GRM5: variants seen among roughly 807,000 people sequenced by gnomAD.
The protein encoded by GRM5 is metabotropic glutamate receptor 5.
Under a neutral mutation model 83.1 loss-of-function variants are expected in GRM5, and 19 were observed. The ratio of observed to expected loss-of-function variants is 0.23; its 90% CI spans 0.16 to 0.34. The LOEUF (loss-of-function observed/expected upper bound fraction) is 0.34. Ranked by LOEUF, GRM5 falls within the 10% of genes least tolerant of loss-of-function variation. The pLI is 1.00. For synonymous variants in GRM5, 675 were observed against 633.6 expected (o/e 1.07, Z -0.98); for missense variants, 1,160 against 1,588.3 (o/e 0.73, Z 4.58).
intron 3 of GRM5, among the ~76,000 whole-genome samples, chr11:88,661,593 T>C (rs1234404188): frequency 6.6e-6 from 1 of 152,174 alleles, no homozygotes; most frequent in African/African-American, 2.4e-5. Context: ...TAAAAAATTC[T>C]AATAGTGGGA....
chr11:88,586,635 T>C (rs1003410933), intron 7 of GRM5, among the ~76,000 whole-genome samples: 1 of 152,210 alleles, frequency 6.6e-6, no homozygotes. Context: ...GATGTTCTTC[T>C]AGCTAGCAAT....
At chr11:88,925,606 A>G (rs2135636965) in intron 2 of GRM5, among the ~76,000 whole-genome samples, 1 of 152,264 alleles carries the variant, frequency 6.6e-6, no homozygotes, top group Non-Finnish European at 1.5e-5. Flanking sequence ...GCACCTCAAG[A>G]GTGTTCTAAG....
At chr11:88,890,125 C>CCCCACATA (rs1194501845) in intron 2 of GRM5, among the ~76,000 whole-genome samples, 1 of 150,118 alleles carries the variant, frequency 6.7e-6, no homozygotes, top group Non-Finnish European at 1.5e-5. Flanking sequence ...ATCCCCACAT[C>CCCCACATA]CCCACATCCC....
chr11:88,984,540 A>G lies in GRM5; in HGVS notation c.661+62672T>C, dbSNP rs546895527. Among the ~76,000 whole-genome samples, 6 of 152,308 alleles carry G rather than the reference A, an allele frequency of 3.9e-5. No homozygotes were observed. The South Asian group carries it at 1.2e-3, about 32-fold the overall frequency. ...AAGTATTTCCACTGTTAAGTGACATATGACTATAAATGTATATTATGCAGC... is the reference window on the plus strand; with the variant it reads ...AAGTATTTCCACTGTTAAGTGACATGTGACTATAAATGTATATTATGCAGC... On this transcript the variant is annotated intron_variant, in intron 2 of 9. Coordinates refer to ENST00000305447, the MANE Select transcript of GRM5 (RefSeq NM_001143831.3).
chr11:88,857,887 G>A (rs1233252566), intron 2 of GRM5, among the ~76,000 whole-genome samples: 1 of 151,976 alleles, frequency 6.6e-6, no homozygotes, highest in African/African-American at 2.4e-5. Flanking sequence ...TTGAGATTTA[G>A]GTGTTTAGGA....
intron 2 of GRM5, among the ~76,000 whole-genome samples, chr11:89,045,906 T>C (rs1941632388): frequency 6.6e-6 from 1 of 152,228 alleles, no homozygotes; most frequent in African/African-American, 2.4e-5. Flanking sequence ...ATTCTTCTTG[T>C]TAAATTTCAA....
At chr11:88,991,712 A>G (rs1302781851) in intron 2 of GRM5, among the ~76,000 whole-genome samples, 4 of 152,010 alleles carry the variant, frequency 2.6e-5, no homozygotes, top group Non-Finnish European at 4.4e-5. Context: ...AACGCCGCAT[A>G]TCTACAACTA....
chr11:88,645,381 T>C (rs1181348247), intron 4 of GRM5, among the ~76,000 whole-genome samples: 1 of 152,102 alleles, frequency 6.6e-6, no homozygotes, highest in East Asian at 1.9e-4. Context: ...AACTGATACA[T>C]GTCTTGAAGT....
chr11:88,832,713 A>G (rs1266814101), intron 3 of GRM5, among the ~76,000 whole-genome samples: 1 of 152,186 alleles, frequency 6.6e-6, no homozygotes, highest in East Asian at 1.9e-4. Context: ...TGACTTTAAA[A>G]TATATTACAA....
At chr11:88,599,829 T>C (rs890536737) in intron 5 of GRM5, among the ~76,000 whole-genome samples, 7 of 151,916 alleles carry the variant, frequency 4.6e-5, no homozygotes, top group East Asian at 1.9e-4. Flanking sequence ...CTGGCTAACA[T>C]GGTGAAACCC....
At chr11:88,666,207 A>G (rs114404903) in intron 3 of GRM5, among the ~76,000 whole-genome samples, 1,534 of 152,278 alleles carry the variant, frequency 0.01, 17 homozygotes, top group East Asian at 0.066. Context: ...TCATTAGTCT[A>G]TTTCCTGTTG....
intron 5 of GRM5, among the ~76,000 whole-genome samples, chr11:88,603,083 T>C (rs542379131): frequency 6.6e-6 from 1 of 152,316 alleles, no homozygotes; most frequent in Non-Finnish European, 1.5e-5. Context: ...AGATTTTAAG[T>C]ATGTTGTTCT....
chr11:88,886,465 A>G (rs1945045942), intron 2 of GRM5, among the ~76,000 whole-genome samples: 1 of 152,108 alleles, frequency 6.6e-6, no homozygotes, highest in Non-Finnish European at 1.5e-5. Flanking sequence ...AATAATTAGC[A>G]TGGCTGCCAG....
intron 2 of GRM5, among the ~76,000 whole-genome samples, chr11:88,860,686 C>T (rs1296036552): frequency 6.6e-6 from 1 of 152,186 alleles, no homozygotes; most frequent in African/African-American, 2.4e-5. Context: ...CTGTTGTAGC[C>T]AGATTCCCTT....
rs1199756261 is a variant in GRM5, at chr11:88,555,152, C to T, written c.2630+11901G>A. On this transcript the variant is annotated intron_variant, in intron 8 of 9. Transcript: ENST00000305447. ...AGCTTCAAGTTTCTCACTTTTAAAA[C>T]AGAGTTAATAATATCTGACTCATAT... Among the ~76,000 whole-genome samples the T allele has an allele frequency of 2.0e-5, 3 of 152,100 alleles. No homozygotes were observed. In the East Asian group the frequency reaches 5.8e-4, roughly 29 times the overall value.
intron 3 of GRM5, among the ~76,000 whole-genome samples, chr11:88,657,409 C>T (rs537228881): frequency 6.6e-6 from 1 of 152,228 alleles, no homozygotes; most frequent in African/African-American, 2.4e-5. Context: ...TCATTCTTAA[C>T]TTACTTAGCT....
At chr11:88,810,744 T>C (rs1449539541) in intron 3 of GRM5, among the ~76,000 whole-genome samples, 1 of 152,170 alleles carries the variant, frequency 6.6e-6, no homozygotes, top group Non-Finnish European at 1.5e-5. Context: ...TAAATATGTA[T>C]GTCAGTATGA....
chr11:88,764,000 T>C (rs1942579577), intron 3 of GRM5, among the ~76,000 whole-genome samples: 1 of 151,464 alleles, frequency 6.6e-6, no homozygotes, highest in Non-Finnish European at 1.5e-5. Flanking sequence ...AAGGTACAAA[T>C]AGACTGAAAG....
At chr11:88,819,585 C>T (rs1482494492) in intron 3 of GRM5, among the ~76,000 whole-genome samples, 1 of 152,072 alleles carries the variant, frequency 6.6e-6, no homozygotes, top group African/African-American at 2.4e-5. Flanking sequence ...CATGATTTGT[C>T]ATTAATTCTT....
Sources: gnomAD v4.1 joint callset for allele counts (sites outside exome capture counted in the v4.1 genomes callset) on GRCh38, gnomAD v4.1.1 for gene constraint, MANE v1.5 for transcripts, NCBI Gene and HGNC (gene_info 2026-07-23, HGNC 2026-07-21) for gene names.